Variants in PDE4D observed in about 807,000 individuals in gnomAD.
PDE4D encodes phosphodiesterase 4D, also known as 3',5'-cyclic-AMP phosphodiesterase 4D.
A neutral mutation model predicts 87.4 loss-of-function variants in PDE4D; 24 were observed. That is an observed-to-expected ratio of 0.27 (90% CI 0.20 to 0.39). The LOEUF (loss-of-function observed/expected upper bound fraction) is 0.39, where lower values mean the gene tolerates loss of function less well. Ranked by LOEUF, PDE4D falls within the 10% of genes least tolerant of loss-of-function variation. The pLI, the probability that PDE4D is intolerant of heterozygous loss-of-function variation, is 1.00. For missense variants in PDE4D, 714 were observed against 1,041.0 expected (o/e 0.69, Z 4.32); for synonymous variants, 384 against 383.2 (o/e 1.00, Z -0.02).
intron 1 of PDE4D, among the ~76,000 whole-genome samples, chr5:59,260,575 G>A (rs1393586164): frequency 1.3e-5 from 2 of 151,796 alleles, no homozygotes; most frequent in African/African-American, 2.4e-5. Flanking sequence ...TTTTCTTTGT[G>A]TATTGGAAAT....
intron 1 of PDE4D, among the ~76,000 whole-genome samples, chr5:59,637,154 T>C (rs1349041615): frequency 2.6e-5 from 4 of 152,188 alleles, no homozygotes; most frequent in African/African-American, 9.7e-5. Context: ...AAGCTCATCA[T>C]CACTGGTCAT....
intron 1 of PDE4D, among the ~76,000 whole-genome samples, chr5:59,791,216 G>A (rs1444352350): frequency 2.0e-5 from 3 of 152,154 alleles, no homozygotes; most frequent in Non-Finnish European, 2.9e-5. Context: ...TTAATACTTC[G>A]TAATGCATGT....
intron 1 of PDE4D, among the ~76,000 whole-genome samples, chr5:59,779,361 G>A (rs1365394271): frequency 1.3e-5 from 2 of 152,096 alleles, no homozygotes; most frequent in African/African-American, 4.8e-5. Context: ...AGTTGTGTTT[G>A]TTCTTCTAGA....
At chr5:60,301,579 T>C (rs1753897159) in intron 1 of PDE4D, among the ~76,000 whole-genome samples, 2 of 152,220 alleles carry the variant, frequency 1.3e-5, no homozygotes, top group Admixed American at 6.5e-5. Context: ...CTGCTGAAGT[T>C]GCTTATCAGA....
At chr5:59,056,809 A>G (rs989688195) in intron 5 of PDE4D, among the ~76,000 whole-genome samples, 2 of 152,152 alleles carry the variant, frequency 1.3e-5, no homozygotes, top group South Asian at 4.1e-4. Flanking sequence ...ATAGTACTCC[A>G]TGGTGTATAT....
chr5:60,369,661 C>T (rs574583133), intron 1 of PDE4D, among the ~76,000 whole-genome samples: 1 of 152,166 alleles, frequency 6.6e-6, no homozygotes, highest in East Asian at 1.9e-4. Flanking sequence ...TTAGAAAAAC[C>T]AACAAAAACC....
chr5:59,242,649 A>T (rs1051563257), intron 1 of PDE4D, among the ~76,000 whole-genome samples: 2 of 152,208 alleles, frequency 1.3e-5, no homozygotes, highest in Admixed American at 1.3e-4. Flanking sequence ...CAATGACAAC[A>T]GTAACGATAA....
chr5:59,618,316 T>A (rs995652167), intron 1 of PDE4D, among the ~76,000 whole-genome samples: 3 of 152,058 alleles, frequency 2.0e-5, no homozygotes, highest in African/African-American at 7.2e-5. Flanking sequence ...ATGGAAGATG[T>A]AAGACCTGAG....
At chr5:60,036,864 A>G (rs1767867784) in intron 2 of PDE4D, among the ~76,000 whole-genome samples, 1 of 152,230 alleles carries the variant, frequency 6.6e-6, no homozygotes, top group Admixed American at 6.5e-5. Context: ...TGCTTTGTCT[A>G]TAAATGGTCC....
chr5:60,161,483 C>G (rs1389299737), intron 2 of PDE4D, among the ~76,000 whole-genome samples: 2 of 152,096 alleles, frequency 1.3e-5, no homozygotes, highest in African/African-American at 4.8e-5. Context: ...ACAACATACT[C>G]AAGCAAAACA....
chr5:59,473,259 T>C (rs972147300), intron 1 of PDE4D, among the ~76,000 whole-genome samples: 4 of 152,106 alleles, frequency 2.6e-5, no homozygotes, highest in African/African-American at 9.7e-5. Flanking sequence ...CTCTCAAATA[T>C]ATAGTTTAGA....
At chr5:60,244,270 CTA>C (rs893415112) in intron 1 of PDE4D, among the ~76,000 whole-genome samples, 1 of 151,746 alleles carries the variant, frequency 6.6e-6, no homozygotes, top group Non-Finnish European at 1.5e-5. Flanking sequence ...ACAATGAAAA[CTA>C]TAAAACACTG....
At position 59,970,492 on chromosome 5, in the gene PDE4D, A is replaced by G. The variant is rs548672014; in HGVS notation, c.272+17996T>C. On this transcript the variant is annotated intron_variant, in intron 3 of 16. Coordinates refer to the PDE4D transcript ENST00000502484. ...GGGCTAATATCCAGAATCTACAATG[A>G]ACTTAAACAAATTTACAAGAAAAAA... Among the ~76,000 whole-genome samples the G allele has an allele frequency of 9.0e-3, 1,366 of 152,334 alleles. 16 individuals carry two copies. Among genetic ancestry groups the G allele is most frequent in the South Asian group, 0.015 (70 of 4,824 alleles).
chr5:59,452,282 C>T lies in PDE4D; in HGVS notation c.456-236314G>A, dbSNP rs146501959. The stretch of plus-strand genomic sequence containing the variant: ...CATTGACTACTTCTAACATAAGATC[C>T]GCCTCTGCCACTCCTATCAAGGCTT... On this transcript the variant is annotated intron_variant, in intron 1 of 14. Transcript: ENST00000340635. 4.1e-3 allele frequency among the ~76,000 whole-genome samples: 621 copies of T among 152,232 alleles called. 8 individuals are homozygous for T. Among genetic ancestry groups the T allele is most frequent in the African/African-American group, 0.014 (573 of 41,522 alleles).
At chr5:59,952,457 G>A (rs1277423196) in intron 3 of PDE4D, among the ~76,000 whole-genome samples, 1 of 152,072 alleles carries the variant, frequency 6.6e-6, no homozygotes, top group Non-Finnish European at 1.5e-5. Flanking sequence ...CTAAACCTGT[G>A]TCCACTCCTC....
intron 1 of PDE4D, among the ~76,000 whole-genome samples, chr5:59,615,414 G>A (rs1829539230): frequency 6.6e-6 from 1 of 151,688 alleles, no homozygotes; most frequent in African/African-American, 2.4e-5. Context: ...ATGCCATTTT[G>A]ATGAGACTAG....
intron 1 of PDE4D, among the ~76,000 whole-genome samples, chr5:59,455,990 T>C: frequency 6.6e-6 from 1 of 152,198 alleles, no homozygotes; most frequent in East Asian, 1.9e-4. Flanking sequence ...GTAACTAACT[T>C]ACTTTTGATT....
chr5:59,037,408 T>A (rs999159162), intron 6 of PDE4D, among the ~76,000 whole-genome samples: 7 of 152,202 alleles, frequency 4.6e-5, no homozygotes, highest in Admixed American at 2.6e-4. Context: ...ACACTGGACA[T>A]ATTCAGCATA....
chr5:60,274,724 A>G (rs1332490374), intron 1 of PDE4D, among the ~76,000 whole-genome samples: 1 of 152,222 alleles, frequency 6.6e-6, no homozygotes, highest in Non-Finnish European at 1.5e-5. Context: ...CCTCAGGTAC[A>G]GAAAACCAAG....
Sources: gnomAD v4.1 joint callset for allele counts (sites outside exome capture counted in the v4.1 genomes callset) on GRCh38, gnomAD v4.1.1 for gene constraint, MANE v1.5 for transcripts, NCBI Gene and HGNC (gene_info 2026-07-23, HGNC 2026-07-21) for gene names.